Variants in DEPDC4 observed in about 807,000 individuals in gnomAD.
DEPDC4 encodes the protein DEP domain-containing protein 4.
In DEPDC4, 52 loss-of-function variants were observed where a neutral mutation model predicts 52.0. The ratio of observed to expected loss-of-function variants is 1.00; its 90% CI spans 0.80 to 1.26. The LOEUF (loss-of-function observed/expected upper bound fraction) is 1.26. DEPDC4 is among the 50% of genes most tolerant of loss of function. The pLI, the probability that DEPDC4 is intolerant of heterozygous loss-of-function variation, is 0.00. For synonymous variants in DEPDC4, 201 were observed against 196.8 expected, an observed-to-expected ratio of 1.02 and a Z score of -0.18; for missense variants, 530 against 546.9, an observed-to-expected ratio of 0.97 and a Z score of 0.31.
At chr12:100,244,981 C>A (rs2096179195) in intron 8 of DEPDC4, among the ~76,000 whole-genome samples, 1 of 151,936 alleles carries the variant, frequency 6.6e-6, no homozygotes, top group Non-Finnish European at 1.5e-5. Flanking sequence ...AAGCGAGTGT[C>A]CTGCCTCAGC....
rs1393016367 is a variant in DEPDC4 at position 100,240,844 on chromosome 12, G to A, written c.*1048C>T. ...AAGGTGGGCAGATCACCTGAGGTCA[G>A]GAGTTCAAGACTAGCCTGGCCAACA... On this transcript the variant is annotated 3_prime_UTR_variant, in exon 10 of 10. Coordinates refer to ENST00000550587, the MANE Select transcript of DEPDC4 (RefSeq NM_001364818.2). Among the ~76,000 whole-genome samples, 3 of 152,172 alleles carry A rather than the reference G, an allele frequency of 2.0e-5. No homozygotes were observed. Among genetic ancestry groups the A allele is most frequent in the African/African-American group, 7.2e-5 (3 of 41,428 alleles).
the DEPDC4 span, among the ~76,000 whole-genome samples, chr12:100,278,681 G>A: frequency 2.7e-5 from 4 of 148,074 alleles, no homozygotes; most frequent in African/African-American, 1.0e-4. Context: ...CCAAGCTGGA[G>A]TGCAGTGGCG....
chr12:100,279,863 C>T, the DEPDC4 span, among the ~76,000 whole-genome samples: 1 of 152,218 alleles, frequency 6.6e-6, no homozygotes, highest in African/African-American at 2.4e-5. Flanking sequence ...TATGCATAAG[C>T]ATGTGTGGGA....
upstream of DEPDC4, among the ~76,000 whole-genome samples, chr12:100,268,142 A>G (rs1441466794): frequency 6.6e-6 from 1 of 152,186 alleles, no homozygotes; most frequent in Non-Finnish European, 1.5e-5. Context: ...AGCTGCTTAA[A>G]AGCGCTATGC....
intron 8 of DEPDC4, among the ~76,000 whole-genome samples, chr12:100,243,186 T>C (rs1009291476): frequency 6.6e-6 from 1 of 152,116 alleles, no homozygotes; most frequent in Non-Finnish European, 1.5e-5. Flanking sequence ...TATTGTACCA[T>C]ACTCACCTAT....
the DEPDC4 span, among the ~76,000 whole-genome samples, chr12:100,275,814 A>G: frequency 5.9e-5 from 9 of 152,254 alleles, no homozygotes; most frequent in African/African-American, 2.2e-4. Flanking sequence ...AGCTGTAATT[A>G]TTCAAAGATG....
chr12:100,244,174 T>C (rs2096174996), intron 8 of DEPDC4, among the ~76,000 whole-genome samples: 1 of 144,694 alleles, frequency 6.9e-6, no homozygotes, highest in South Asian at 2.2e-4. Flanking sequence ...TTTATGGTTT[T>C]TTGGTTTGTT....
chr12:100,237,952 A>C (rs1417236850), downstream of DEPDC4: 1 of 365,392 alleles, frequency 2.7e-6, no homozygotes, highest in East Asian at 1.7e-4. Flanking sequence ...CATAGTGATG[A>C]CTAGCAAATC....
chr12:100,260,023 G>A (rs1231343775), intron 3 of DEPDC4, among the ~76,000 whole-genome samples: 1 of 151,122 alleles, frequency 6.6e-6, no homozygotes, highest in African/African-American at 2.4e-5. Context: ...TCACTTTACA[G>A]GCTACTGTAA....
chr12:100,263,698 A>G lies in DEPDC4; in HGVS notation c.353T>C (p.Leu118Pro). 1 of 1,614,166 alleles carries G rather than the reference A, an allele frequency of 6.2e-7. No individual in the cohort carries two copies. Among genetic ancestry groups the G allele is most frequent in the Non-Finnish European group, 8.5e-7 (1 of 1,180,026 alleles). The change falls in exon 2 of 10, where the codon CTT becomes CCT. Residue 118 changes from leucine (L) to proline (P), a missense_variant. Physicochemically the swap from Leu to Pro is moderately conservative, Grantham distance 98 (BLOSUM62 -3). Transcript: ENST00000550587. ...TCLSSNDISCLKGVHLCQVLM... is the reference protein window; with the variant it reads ...TCLSSNDISCPKGVHLCQVLM... The stretch of plus-strand genomic sequence containing the variant: ...AACTTGGCAAAGATGAACCCCTTTA[A>G]GACAAGAGATGTCATTGCTACTTAG...
At chr12:100,267,441 GCT>G (rs1213972201), upstream of DEPDC4, 3 of 177,882 alleles carry the variant, frequency 1.7e-5, no homozygotes, top group Non-Finnish European at 3.6e-5. Flanking sequence ...CTCACCGGCG[GCT>G]CTCTCGCCTG....
intron 9 of DEPDC4, among the ~76,000 whole-genome samples, chr12:100,234,699 G>T (rs147960009): frequency 3.3e-5 from 5 of 152,118 alleles, no homozygotes; most frequent in Non-Finnish European, 1.5e-5. Context: ...GAATCAGACC[G>T]TTAATGGTCA....
At chr12:100,279,681 A>G in the DEPDC4 span, among the ~76,000 whole-genome samples, 1 of 152,326 alleles carries the variant, frequency 6.6e-6, no homozygotes. Flanking sequence ...GGCTTACCCC[A>G]CTATTAAGGC....
At chr12:100,271,359 A>C (rs550433569), upstream of DEPDC4, among the ~76,000 whole-genome samples, 1 of 151,838 alleles carries the variant, frequency 6.6e-6, no homozygotes, top group East Asian at 1.9e-4. Flanking sequence ...GTATAAGCAC[A>C]CGTATTTTCC....
intron 9 of DEPDC4, among the ~76,000 whole-genome samples, chr12:100,232,987 G>A (rs1048917854): frequency 3.3e-5 from 5 of 152,158 alleles, no homozygotes; most frequent in African/African-American, 1.2e-4. Flanking sequence ...GACAGGCAAT[G>A]TATGTACATA....
chr12:100,275,972 G>A, the DEPDC4 span, among the ~76,000 whole-genome samples: 1 of 151,922 alleles, frequency 6.6e-6, no homozygotes, highest in Non-Finnish European at 1.5e-5. Context: ...TGAATTACAT[G>A]GATTCATTTT....
the DEPDC4 span, among the ~76,000 whole-genome samples, chr12:100,281,019 G>GTTTTGTTTTTTTTTTTTTTTTTTTTTT: frequency 2.0e-5 from 1 of 50,466 alleles, no homozygotes; most frequent in African/African-American, 6.9e-5. Context: ...TACCATCAGT[G>GTTTTGTTTTTTTTTTTTTTTTTTTTTT]TTTTTTTTTT....
the DEPDC4 span, among the ~76,000 whole-genome samples, chr12:100,274,491 CTTG>C: frequency 4.6e-5 from 7 of 152,136 alleles, no homozygotes; most frequent in African/African-American, 7.2e-5. Context: ...GGCGTGGGTT[CTTG>C]TTGTTATTAA....
At chr12:100,270,489 C>G (rs1040962006), upstream of DEPDC4, among the ~76,000 whole-genome samples, 2 of 152,070 alleles carry the variant, frequency 1.3e-5, no homozygotes, top group Non-Finnish European at 2.9e-5. Context: ...GTTGTAAAAA[C>G]TATAGTTCAC....
Sources: gnomAD v4.1 joint callset for allele counts (sites outside exome capture counted in the v4.1 genomes callset) on GRCh38, gnomAD v4.1.1 for gene constraint, MANE v1.5 for transcripts, NCBI Gene and HGNC (gene_info 2026-07-23, HGNC 2026-07-21) for gene names.